Variants in DISC1 observed in about 807,000 individuals in gnomAD.
DISC1 encodes the protein DISC1 scaffold protein, also known as disrupted in schizophrenia 1 protein.
In DISC1, 57 loss-of-function variants were observed where a neutral mutation model predicts 84.5. The ratio of observed to expected loss-of-function variants is 0.67; its 90% CI spans 0.55 to 0.84. DISC1 has a LOEUF of 0.84. Among genes scored for constraint, DISC1 ranks in the 40% least tolerant of loss-of-function variants. DISC1 has a pLI of 0.00. For synonymous variants in DISC1, 411 were observed against 415.2 expected (o/e 0.99, Z 0.12); for missense variants, 1,000 against 1,057.8 (o/e 0.95, Z 0.76).
chr1:231,852,197 C>T (rs188468020), intron 9 of DISC1, among the ~76,000 whole-genome samples: 1 of 152,316 alleles, frequency 6.6e-6, no homozygotes, highest in East Asian at 1.9e-4. Flanking sequence ...CTGACAAAAA[C>T]AAATTTCAAT....
At chr1:231,683,687 A>G (rs907487359) in intron 1 of DISC1, among the ~76,000 whole-genome samples, 4 of 151,508 alleles carry the variant, frequency 2.6e-5, no homozygotes, top group Admixed American at 6.6e-5. Flanking sequence ...TTCTTCTTTC[A>G]GGATTTACCT....
chr1:231,999,158 G>A (rs1666338291), intron 10 of DISC1, among the ~76,000 whole-genome samples: 1 of 152,082 alleles, frequency 6.6e-6, no homozygotes, highest in South Asian at 2.1e-4. Context: ...AAGTAAGGGA[G>A]GATTCCTGGT....
intron 11 of DISC1, among the ~76,000 whole-genome samples, chr1:232,011,822 A>G (rs866055): frequency 0.42 from 64,096 of 152,126 alleles, 16,645 homozygotes; most frequent in African/African-American, 0.74. Context: ...AAACCGGGCT[A>G]TAGATGTTTG....
chr1:231,626,799 C>T lies in DISC1; in HGVS notation c.-69C>T, dbSNP rs550554158. On this transcript the variant is annotated 5_prime_UTR_variant, in exon 1 of 13. Coordinates refer to ENST00000439617, the MANE Select transcript of DISC1 (RefSeq NM_018662.3). ...CGTCCAGCGCGCTGCTCCCTTCCCC[C>T]CGCCTCTGGCCTCGGGGAAGGAGCA... 1.1e-5 allele frequency: 13 copies of T among 1,209,096 alleles called. No individual in the cohort carries two copies. In the East Asian group the frequency reaches 1.2e-4, roughly 11 times the overall value. The allele number at this position is 1,209,096 out of a possible 1,614,324, so 74.9% of individuals were successfully genotyped here.
chr1:231,776,294 C>G (rs2076960144), intron 6 of DISC1, among the ~76,000 whole-genome samples: 1 of 152,212 alleles, frequency 6.6e-6, no homozygotes, highest in South Asian at 2.1e-4. Flanking sequence ...TTGTATTCAT[C>G]TGGGGTTGAG....
Position 232,037,846 on chromosome 1 carries a change from T to G in DISC1, c.*1015T>G, listed in dbSNP as rs1670616111. Reference sequence around the variant, plus strand: ...AGTACTCAGTAATACAATACAGTACTCAGTTAGGCAGTGCAGTACTCAGGA... The same window carrying G: ...AGTACTCAGTAATACAATACAGTACGCAGTTAGGCAGTGCAGTACTCAGGA... On this transcript the variant is annotated 3_prime_UTR_variant, in exon 13 of 13. Transcript: ENST00000439617. 6.6e-6 allele frequency: 1 copy of G among 151,012 alleles called. No individual in the cohort carries two copies. Among genetic ancestry groups the G allele is most frequent in the African/African-American group, 2.4e-5 (1 of 41,220 alleles). 9.4% of individuals were successfully genotyped at this position (151,012 alleles called of 1,614,324 possible).
rs773928839 is a variant in DISC1 at position 232,032,529 on chromosome 1, G to T, written c.2426-4163G>T. The stretch of plus-strand genomic sequence containing the variant: ...CCAAGGAGGTACAGAATGGCCTTGG[G>T]TTCCAAAGGTGTTTTAAAGATGTTA... On this transcript the variant is annotated intron_variant, in intron 12 of 12. Transcript: ENST00000439617. Among the ~76,000 whole-genome samples, 5 of 152,250 alleles carry T rather than the reference G, an allele frequency of 3.3e-5. No individual in the cohort carries two copies. The South Asian group carries it at 1.0e-3, about 32-fold the overall frequency.
intron 1 of DISC1, among the ~76,000 whole-genome samples, chr1:231,678,806 C>T (rs1381505423): frequency 1.3e-5 from 2 of 152,218 alleles, no homozygotes; most frequent in Middle Eastern, 3.2e-3. Flanking sequence ...GCTGGGACTA[C>T]AGGCGCCCGC....
rs897112789 is a variant in DISC1, at chr1:231,908,317, T to C, written c.1982-50511T>C. ...GGTTTTTATGGTTTTAGGTCTAACA[T>C]TTAAGTCTTTAATTCATCTTGAATT... On this transcript the variant is annotated intron_variant, in intron 9 of 12. Coordinates refer to ENST00000439617, the MANE Select transcript of DISC1 (RefSeq NM_018662.3). 1.2e-4 allele frequency among the ~76,000 whole-genome samples: 19 copies of C among 152,220 alleles called. 1 individual carries two copies. Among genetic ancestry groups the C allele is most frequent in the Admixed American group, 1.2e-3 (18 of 15,288 alleles).
At chr1:231,720,007 T>C (rs1055818187) in intron 3 of DISC1, among the ~76,000 whole-genome samples, 3 of 152,182 alleles carry the variant, frequency 2.0e-5, no homozygotes, top group Non-Finnish European at 2.9e-5. Flanking sequence ...TAACACAAAA[T>C]AAGTTGCAAT....
chr1:231,845,921 G>A (rs1347841294), intron 9 of DISC1, among the ~76,000 whole-genome samples: 15 of 152,210 alleles, frequency 9.9e-5, no homozygotes, highest in Non-Finnish European at 1.6e-4. Flanking sequence ...CCCAGGTGTC[G>A]GCCTGGTGAT....
intron 9 of DISC1, among the ~76,000 whole-genome samples, chr1:231,832,499 A>G (rs561405748): frequency 6.6e-6 from 1 of 152,110 alleles, no homozygotes; most frequent in Admixed American, 6.5e-5. Context: ...TTTTTATGAG[A>G]ATTATGCCGA....
chr1:231,841,515 A>G (rs1411189302), intron 9 of DISC1, among the ~76,000 whole-genome samples: 1 of 152,230 alleles, frequency 6.6e-6, no homozygotes, highest in Admixed American at 6.5e-5. Context: ...TGCTCTGTGC[A>G]TCATGCTGGT....
intron 9 of DISC1, among the ~76,000 whole-genome samples, chr1:231,931,523 G>A (rs1470049578): frequency 6.6e-6 from 1 of 152,226 alleles, no homozygotes; most frequent in Non-Finnish European, 1.5e-5. Context: ...GAATGAGTGA[G>A]TGAATGAATG....
chr1:231,946,648 A>G (rs1572251422), intron 9 of DISC1, among the ~76,000 whole-genome samples: 1 of 152,350 alleles, frequency 6.6e-6, no homozygotes, highest in Middle Eastern at 3.4e-3. Context: ...AATGTATTCA[A>G]GTAGGAAGAG....
At chr1:231,984,938 C>G (rs1664189231) in intron 10 of DISC1, among the ~76,000 whole-genome samples, 1 of 152,204 alleles carries the variant, frequency 6.6e-6, no homozygotes. Context: ...GTTAGAGTAC[C>G]TAATTCTGGC....
At chr1:231,726,855 A>C (rs2070788370) in intron 3 of DISC1, among the ~76,000 whole-genome samples, 1 of 152,142 alleles carries the variant, frequency 6.6e-6, no homozygotes, top group South Asian at 2.1e-4. Context: ...ATCCATAATC[A>C]CATCCATGAT....
intron 1 of DISC1, among the ~76,000 whole-genome samples, chr1:231,636,823 C>T (rs1405538061): frequency 2.0e-5 from 3 of 152,132 alleles, no homozygotes; most frequent in Non-Finnish European, 4.4e-5. Context: ...TTCTGGGATA[C>T]ATGTGCAGAA....
intron 9 of DISC1, among the ~76,000 whole-genome samples, chr1:231,906,624 T>A (rs1415762212): frequency 6.6e-6 from 1 of 152,182 alleles, no homozygotes; most frequent in Non-Finnish European, 1.5e-5. Context: ...GCTGGGTGAT[T>A]GTGATGGCAC....
Sources: gnomAD v4.1 joint callset for allele counts (sites outside exome capture counted in the v4.1 genomes callset) on GRCh38, gnomAD v4.1.1 for gene constraint, MANE v1.5 for transcripts, NCBI Gene and HGNC (gene_info 2026-07-23, HGNC 2026-07-21) for gene names.